Variants in ABCC5 observed in about 807,000 individuals in gnomAD.
ABCC5 encodes the protein ATP-binding cassette sub-family C member 5.
ABCC5 carries 61 observed loss-of-function variants against 160.9 expected under a neutral mutation model. That is an observed-to-expected ratio of 0.38 (90% CI 0.31 to 0.47). The LOEUF (loss-of-function observed/expected upper bound fraction) is 0.47, where lower values mean the gene tolerates loss of function less well. Among genes scored for constraint, ABCC5 ranks in the 20% least tolerant of loss-of-function variants. The pLI is 0.99. For synonymous variants in ABCC5, 666 were observed against 700.6 expected, an observed-to-expected ratio of 0.95 and a Z score of 0.78; for missense variants, 1,308 against 1,813.3, an observed-to-expected ratio of 0.72 and a Z score of 5.06.
At chr3:183,992,207 T>C (rs1719828223) in intron 2 of ABCC5, among the ~76,000 whole-genome samples, 1 of 152,188 alleles carries the variant, frequency 6.6e-6, no homozygotes, top group Non-Finnish European at 1.5e-5. Flanking sequence ...TTCTAAGTAA[T>C]GTAAGTGAAA....
At chr3:183,942,430 T>G in intron 25 of ABCC5, 2 of 564,696 alleles carry the variant, frequency 3.5e-6, no homozygotes, top group Non-Finnish European at 6.7e-6. Context: ...ACAAGATAGC[T>G]ACCAAAATGT....
intron 27 of ABCC5, among the ~76,000 whole-genome samples, chr3:183,928,226 C>T (rs376931138): frequency 4.6e-5 from 7 of 151,612 alleles, no homozygotes; most frequent in Admixed American, 2.6e-4. Flanking sequence ...ATTCTCCTGT[C>T]TCAGCCTCCT....
At position 183,987,745 on chromosome 3, in the gene ABCC5, G is replaced by C; in HGVS notation, c.591+25C>G. On this transcript the variant is annotated intron_variant, in intron 5 of 29. Coordinates refer to ENST00000334444, the MANE Select transcript of ABCC5 (RefSeq NM_005688.4). The surrounding 1 kb of genome is among the most constrained non-coding windows in gnomAD (Gnocchi z 4.2). The stretch of plus-strand genomic sequence containing the variant: ...GGCCGTGGCCGGGCCCCTGGAGACT[G>C]TCGGAAAGGATGGTTAGAACTTACT... 2 of 1,614,128 alleles carry C rather than the reference G, an allele frequency of 1.2e-6. No individual in the cohort carries two copies. The highest frequency in any genetic ancestry group is 2.2e-5 in the South Asian group (2 of 91,076).
chr3:183,951,681 C>T lies in ABCC5; in HGVS notation c.2815-111G>A, dbSNP rs1715364975. The stretch of plus-strand genomic sequence containing the variant: ...CCCAAAGCGGGGAGGTGTGAGGGGT[C>T]AGGAGGGACAGGTGGCAAGTGAGAA... On this transcript the variant is annotated intron_variant, in intron 19 of 29. Transcript: ENST00000334444. This position sits in a 1 kb window ranked among gnomAD's most constrained non-coding sequence, Gnocchi z 4.7. 2.0e-6 allele frequency: 3 copies of T among 1,498,150 alleles called. No homozygotes were observed. In the South Asian group the frequency reaches 3.8e-5, roughly 19 times the overall value. 92.8% of individuals were successfully genotyped at this position (1,498,150 alleles called of 1,614,324 possible).
At chr3:183,981,988 G>T in intron 7 of ABCC5, 114 bp from the exon 8 acceptor site, 1 of 1,176,500 alleles carries the variant, frequency 8.5e-7, no homozygotes, top group South Asian at 1.7e-5. Flanking sequence ...TTGCTAGGAT[G>T]GGCCAAATGT....
rs535003678 is a variant in ABCC5 at position 183,922,297 on chromosome 3, G to A, written c.4213-896C>T. 1.3e-3 allele frequency among the ~76,000 whole-genome samples: 191 copies of A among 152,262 alleles called. 1 individual carries two copies. Among genetic ancestry groups the A allele is most frequent in the African/African-American group, 4.3e-3 (180 of 41,544 alleles). The stretch of plus-strand genomic sequence containing the variant: ...TGAGGCAGGAGAATCGCTGGAACCC[G>A]GGAGGCGGAGGTTGTGGTGAGCAGA... On this transcript the variant is annotated intron_variant, in intron 29 of 29. Coordinates refer to ENST00000334444, the MANE Select transcript of ABCC5 (RefSeq NM_005688.4).
intron 12 of ABCC5, 32 bp from the exon 13 acceptor site, chr3:183,965,533 T>A (rs768758089): frequency 6.2e-7 from 1 of 1,612,850 alleles, no homozygotes; most frequent in Admixed American, 1.7e-5. Context: ...AATGGCATCA[T>A]AACTCAAAAC....
rs763336238 is a variant in ABCC5, at chr3:183,950,010, G to C, written c.3060C>G (p.Pro1020=). The part of the protein sequence containing the change: ...VFPWFLVAVG[P]LVILFSVLHI... ...GCAGGACTGAAAAGAGGATGACAAG[G>C]GGCCCCACTGCCACAAGGAACCACG... The change falls in exon 21 of 30, where the codon CCC becomes CCG. Residue 1020 remains proline (P), a synonymous_variant. Coordinates refer to ENST00000334444, the MANE Select transcript of ABCC5 (RefSeq NM_005688.4). The C allele has an allele frequency of 2.5e-6, 4 of 1,614,070 alleles. No homozygotes were observed. The highest frequency in any genetic ancestry group is 3.4e-6 in the Non-Finnish European group (4 of 1,180,024).
chr3:183,989,396 A>G lies in ABCC5; in HGVS notation c.130-13T>C. On this transcript the variant is annotated splice_polypyrimidine_tract_variant and intron_variant, in intron 2 of 29. Coordinates refer to ENST00000334444, the MANE Select transcript of ABCC5 (RefSeq NM_005688.4). Reference sequence around the variant, plus strand: ...CTTGGCATTCCAACTGTTCCAGCAGATAGGGAGAAAGGCAAGAGCACAGTT... The same window carrying G: ...CTTGGCATTCCAACTGTTCCAGCAGGTAGGGAGAAAGGCAAGAGCACAGTT... 1 of 1,613,334 alleles carries G rather than the reference A, an allele frequency of 6.2e-7. No individual in the cohort carries two copies. Among genetic ancestry groups the G allele is most frequent in the Non-Finnish European group, 8.5e-7 (1 of 1,179,636 alleles).
At chr3:183,945,091 T>C (rs1714717129) in intron 24 of ABCC5, among the ~76,000 whole-genome samples, 1 of 152,204 alleles carries the variant, frequency 6.6e-6, no homozygotes, top group South Asian at 2.1e-4. Context: ...TTCGCTATGA[T>C]TGTAAGTTTC....
At chr3:183,955,138 G>T (rs1715754524) in intron 17 of ABCC5, among the ~76,000 whole-genome samples, 1 of 152,118 alleles carries the variant, frequency 6.6e-6, no homozygotes, top group African/African-American at 2.4e-5. Flanking sequence ...CCTATCAAAG[G>T]TGTCAGACCC....
chr3:183,965,515 C>T lies in ABCC5; in HGVS notation c.1834-14G>A, dbSNP rs750162964. On this transcript the variant is annotated splice_polypyrimidine_tract_variant and intron_variant, in intron 12 of 29. Coordinates refer to ENST00000334444, the MANE Select transcript of ABCC5 (RefSeq NM_005688.4). ...TAGAAGCGTCATCTAGGGAGAGAGA[C>T]ACCATCCAATGGCATCATAACTCAA... 3.1e-6 allele frequency: 5 copies of T among 1,613,422 alleles called. No individual in the cohort carries two copies. The East Asian group carries it at 1.1e-4, about 36-fold the overall frequency.
rs187195179 is a variant in ABCC5 at position 183,927,770 on chromosome 3, T to C, written c.3934-327A>G. 4.1e-6 allele frequency: 4 copies of C among 985,348 alleles called. No individual in the cohort carries two copies. In the African/African-American group the frequency reaches 5.2e-5, roughly 13 times the overall value. The allele number at this position is 985,348 out of a possible 1,614,324, so 61.0% of individuals were successfully genotyped here. ...TATGGTCTTGCAATAGGAAATAGTA[T>C]AGTAAGGAAAAGTACTCTCCTTCTG... is the stretch of plus-strand genomic sequence containing the variant. On this transcript the variant is annotated intron_variant, in intron 27 of 29. Transcript: ENST00000334444.
chr3:183,958,980 C>G (rs1035281888), intron 17 of ABCC5, among the ~76,000 whole-genome samples: 5 of 151,496 alleles, frequency 3.3e-5, no homozygotes, highest in Non-Finnish European at 7.4e-5. Context: ...TCCCTGGATT[C>G]AAAAGGGTGA....
Position 183,987,807 on chromosome 3 carries a change from C to G in ABCC5, c.554G>C (p.Cys185Ser), listed in dbSNP as rs753497274. 1 of 1,614,224 alleles carries G rather than the reference C, an allele frequency of 6.2e-7. No homozygotes were observed. Among genetic ancestry groups the G allele is most frequent in the East Asian group, 2.2e-5 (1 of 44,882 alleles). ...CRTRLILSIV[C>S]LMITQLAGFS... The stretch of plus-strand genomic sequence containing the variant: ...GCCAGCCAGCTGCGTGATCATCAGG[C>G]ACACGATGGACAGGATGAGCCTGGT... Residue 185 changes from cysteine (C) to serine (S), a missense_variant, in exon 5 of 30, where the codon TGC (cysteine) becomes TCC (serine). Physicochemically the swap from Cys to Ser is moderately radical, Grantham distance 112 (BLOSUM62 -1). Around this residue, in one of 3 missense-constraint regions of ABCC5, gnomAD observed 1,142 missense variants for 1,527.1 expected, o/e 0.75. Transcript: ENST00000334444. The surrounding 1 kb of genome is among the most constrained non-coding windows in gnomAD (Gnocchi z 4.2).
Position 184,005,686 on chromosome 3 carries a change from C to T in ABCC5, c.129+8578G>A, listed in dbSNP as rs1475636462. The stretch of plus-strand genomic sequence containing the variant: ...TAGGAGATATACCTAATGTAAATGA[C>T]GAGTTAATGGGTGCAGCCCACCACC... On this transcript the variant is annotated intron_variant, in intron 2 of 29. Coordinates refer to ENST00000334444, the MANE Select transcript of ABCC5 (RefSeq NM_005688.4). Among the ~76,000 whole-genome samples the T allele has an allele frequency of 1.2e-4, 18 of 151,636 alleles. No individual in the cohort carries two copies. In the East Asian group the frequency reaches 2.7e-3, roughly 23 times the overall value.
intron 2 of ABCC5, among the ~76,000 whole-genome samples, chr3:183,999,297 A>G (rs955821895): frequency 1.1e-4 from 17 of 152,166 alleles, no homozygotes; most frequent in Admixed American, 2.0e-4. Flanking sequence ...GTAAAAATAA[A>G]TATTTTCTAC....
chr3:183,965,293 C>T (rs761809608), intron 13 of ABCC5, 36 bp from the exon 14 acceptor site: 14 of 1,614,010 alleles, frequency 8.7e-6, no homozygotes, highest in Non-Finnish European at 1.0e-5. Flanking sequence ...AGGGACACGG[C>T]GGGAGCAGAG....
chr3:183,935,077 T>C (rs1713557631), intron 26 of ABCC5, among the ~76,000 whole-genome samples: 2 of 151,108 alleles, frequency 1.3e-5, no homozygotes, highest in Admixed American at 6.6e-5. Context: ...GGGAGATTTA[T>C]GGGAAGAGCC....
Sources: gnomAD v4.1 joint callset for allele counts (sites outside exome capture counted in the v4.1 genomes callset) on GRCh38, gnomAD v4.1.1 for gene constraint, gnomAD v4.1.1 regional missense constraint, Gnocchi (gnomAD v3.1) non-coding constraint, MANE v1.5 for transcripts, NCBI Gene and HGNC (gene_info 2026-07-23, HGNC 2026-07-21) for gene names.